The following NOMO2 variants were observed in gnomAD, a reference collection of about 807,000 sequenced individuals.
NOMO2 encodes BOS complex subunit NOMO2.
In NOMO2, 14 loss-of-function variants were observed where a neutral mutation model predicts 67.1. That is an observed-to-expected ratio of 0.21 (90% confidence interval 0.14 to 0.33). The LOEUF (loss-of-function observed/expected upper bound fraction) is 0.33, where lower values mean the gene tolerates loss of function less well. Ranked by LOEUF, NOMO2 falls within the 10% of genes least tolerant of loss-of-function variation. The pLI, the probability that NOMO2 is intolerant of heterozygous loss-of-function variation, is 1.00. For missense variants in NOMO2, 178 were observed against 761.0 expected, an observed-to-expected ratio of 0.23 and a Z score of 9.01; for synonymous variants, 80 against 305.9, an observed-to-expected ratio of 0.26 and a Z score of 7.71.
intron 2 of NOMO2, among the ~76,000 whole-genome samples, chr16:18,555,903 C>A (rs1181603159): frequency 3.6e-5 from 3 of 82,510 alleles, no homozygotes; most frequent in African/African-American, 1.3e-4. Context: ...GCTACCACGT[C>A]CAGCCTCCTG....
intron 5 of NOMO2, among the ~76,000 whole-genome samples, chr16:18,547,590 T>C (rs1049188423): frequency 3.9e-5 from 6 of 151,954 alleles, no homozygotes; most frequent in Admixed American, 2.0e-4. Context: ...CCAATCCTTG[T>C]AGCACAGCAG....
chr16:18,538,597 G>T lies in NOMO2; in HGVS notation c.1149C>A (p.His383Gln). Residue 383 changes from histidine (H) to glutamine (Q), a missense_variant, in exon 11 of 31, where the codon CAC becomes CAA. Coordinates refer to ENST00000622306, the MANE Select transcript of NOMO2 (RefSeq NM_173614.4). ...TGATGGTGACCGTTTCAAAGTAGAG[G>T]TGCTCTTTCTGAGCATGGATGGTGT... ...GTYTIHAQKE[H>Q]LYFETVTIKI... 1 of 1,613,122 alleles carries T rather than the reference G, an allele frequency of 6.2e-7. No homozygotes were observed. Among genetic ancestry groups the T allele is most frequent in the Non-Finnish European group, 8.5e-7 (1 of 1,179,536 alleles).
intron 11 of NOMO2, among the ~76,000 whole-genome samples, chr16:18,535,066 T>C (rs1216948499): frequency 3.6e-5 from 4 of 110,820 alleles, no homozygotes; most frequent in African/African-American, 1.3e-4. Context: ...CTAGGCACCA[T>C]GGCTCAGCCT....
chr16:18,535,820 G>A lies in NOMO2; in HGVS notation c.1221-2641C>T, dbSNP rs180726225. Among the ~76,000 whole-genome samples, 498 of 151,610 alleles carry A rather than the reference G, an allele frequency of 3.3e-3. 3 individuals are homozygous for A. Among genetic ancestry groups the A allele is most frequent in the African/African-American group, 0.011 (444 of 41,372 alleles). On this transcript the variant is annotated intron_variant, in intron 11 of 30. Transcript: ENST00000622306. The stretch of plus-strand genomic sequence containing the variant: ...GATAACTCTTTTTTTTTTCTGAGAC[G>A]GAATCTCACCCTGTCGGCCAGGCTG...
intron 1 of NOMO2, among the ~76,000 whole-genome samples, chr16:18,560,540 A>G (rs1351680973): frequency 6.6e-6 from 1 of 151,598 alleles, no homozygotes; most frequent in Non-Finnish European, 1.5e-5. Flanking sequence ...ACCCAGAAAC[A>G]TGTACCCAGG....
At chr16:18,557,549 G>A (rs1035120260) in intron 2 of NOMO2, among the ~76,000 whole-genome samples, 153 bp downstream of exon 2, 3 of 152,086 alleles carry the variant, frequency 2.0e-5, no homozygotes, top group African/African-American at 7.2e-5. Context: ...TTTGTAAGTT[G>A]TCTCCCTCCA....
rs528198708 is a variant in NOMO2 at position 18,545,403 on chromosome 16, A to G, written c.583-1634T>C. On this transcript the variant is annotated intron_variant, in intron 6 of 30. Coordinates refer to ENST00000622306, the MANE Select transcript of NOMO2 (RefSeq NM_173614.4). ...TGAGCAACTGCACCCAGCCTTGAAT[A>G]AAATATTTTTAAATGTTGCTGCAGA... Among the ~76,000 whole-genome samples, 502 of 152,094 alleles carry G rather than the reference A, an allele frequency of 3.3e-3. 1 individual carries two copies. The highest frequency in any genetic ancestry group is 5.2e-3 in the Non-Finnish European group (351 of 68,006).
At chr16:18,528,123 C>T (rs1901188384) in intron 15 of NOMO2, 1 of 455,090 alleles carries the variant, frequency 2.2e-6, no homozygotes, top group East Asian at 6.9e-5. Context: ...AGACACAGCA[C>T]TCCAGGCAGA....
At chr16:18,529,947 C>G (rs1197524074) in intron 14 of NOMO2, among the ~76,000 whole-genome samples, 1 of 148,718 alleles carries the variant, frequency 6.7e-6, no homozygotes, top group Non-Finnish European at 1.5e-5. Flanking sequence ...AAAACCCCAT[C>G]TCTACTAAAA....
At chr16:18,536,244 G>A (rs1901420176) in intron 11 of NOMO2, among the ~76,000 whole-genome samples, 1 of 152,038 alleles carries the variant, frequency 6.6e-6, no homozygotes, top group African/African-American at 2.4e-5. Flanking sequence ...ATCCTATGCA[G>A]GCCTCTGAGC....
intron 15 of NOMO2, among the ~76,000 whole-genome samples, chr16:18,528,757 A>C (rs1901209798): frequency 6.6e-6 from 1 of 151,136 alleles, no homozygotes; most frequent in African/African-American, 2.4e-5. Flanking sequence ...GAGTTTTAAG[A>C]CCAGTCTGGC....
intron 3 of NOMO2, among the ~76,000 whole-genome samples, chr16:18,552,469 G>GCACA (rs201636709): frequency 0.084 from 8,161 of 97,564 alleles, 380 homozygotes; most frequent in Middle Eastern, 0.17. Flanking sequence ...ACGCGTACAT[G>GCACA]CACACACACA....
At chr16:18,526,361 T>C (rs1227674897) in intron 16 of NOMO2, among the ~76,000 whole-genome samples, 1 of 152,096 alleles carries the variant, frequency 6.6e-6, no homozygotes, top group African/African-American at 2.4e-5. Flanking sequence ...AATTTGACAG[T>C]TTCTTAAAAG....
chr16:18,557,581 T>G, intron 2 of NOMO2, 121 bp downstream of exon 2: 1 of 1,597,242 alleles, frequency 6.3e-7, no homozygotes, highest in Non-Finnish European at 8.6e-7. Flanking sequence ...GATTATCATA[T>G]TCCACTAATA....
chr16:18,553,811 C>G (rs1388100869), intron 3 of NOMO2, among the ~76,000 whole-genome samples: 118 of 134,864 alleles, frequency 8.7e-4, no homozygotes, highest in South Asian at 2.1e-3. Context: ...AGGCACCCCC[C>G]ACCCTACCCC....
chr16:18,552,333 T>C (rs1402120090), intron 3 of NOMO2, among the ~76,000 whole-genome samples: 593 of 101,258 alleles, frequency 5.9e-3, no homozygotes, highest in African/African-American at 0.021. Flanking sequence ...ACTGAAGAGT[T>C]CATCATAATA....
chr16:18,528,810 A>G (rs1901211565), intron 15 of NOMO2, among the ~76,000 whole-genome samples: 1 of 150,710 alleles, frequency 6.6e-6, no homozygotes, highest in South Asian at 2.1e-4. Flanking sequence ...ACAAAAAAAA[A>G]AGAAAAAAAA....
At chr16:18,530,582 C>T (rs1901273388) in intron 14 of NOMO2, among the ~76,000 whole-genome samples, 1 of 143,944 alleles carries the variant, frequency 6.9e-6, no homozygotes, top group Admixed American at 7.0e-5. Context: ...GCTCTCTGCA[C>T]AACGGGCTTT....
chr16:18,560,620 A>T lies in NOMO2; in HGVS notation c.165+1256T>A, dbSNP rs188314369. Among the ~76,000 whole-genome samples, 52 of 151,932 alleles carry T rather than the reference A, an allele frequency of 3.4e-4. 4 individuals carry two copies. In the East Asian group the frequency reaches 8.8e-3, roughly 26 times the overall value. On this transcript the variant is annotated intron_variant, in intron 1 of 30. Coordinates refer to ENST00000622306, the MANE Select transcript of NOMO2 (RefSeq NM_173614.4). Reference sequence around the variant, plus strand: ...CCTGACCTCTGACCTCTTCAGCCTGAAAAAGCAGCAAACAACGGGGCCTTG... The same window carrying T: ...CCTGACCTCTGACCTCTTCAGCCTGTAAAAGCAGCAAACAACGGGGCCTTG...
Sources: allele counts gnomAD v4.1 joint callset (sites outside exome capture counted in the v4.1 genomes callset), GRCh38; gene constraint gnomAD v4.1.1; transcripts MANE v1.5; gene names NCBI Gene and HGNC (gene_info 2026-07-23, HGNC 2026-07-21).